Variants in CFAP69 observed in about 807,000 individuals in gnomAD.
CFAP69 encodes the protein cilia- and flagella-associated protein 69.
Under a neutral mutation model 123.0 loss-of-function variants are expected in CFAP69, and 92 were observed. The ratio of observed to expected loss-of-function variants is 0.75; its 90% CI spans 0.63 to 0.89. The LOEUF is 0.89. Among genes scored for constraint, CFAP69 ranks in the 40% least tolerant of loss-of-function variants. The pLI, the probability that CFAP69 is intolerant of heterozygous loss-of-function variation, is 0.00. For synonymous variants in CFAP69, 380 were observed against 364.3 expected (o/e 1.04, Z -0.49); for missense variants, 1,067 against 1,096.9 (o/e 0.97, Z 0.39).
intron 11 of CFAP69, among the ~76,000 whole-genome samples, 155 bp downstream of exon 11, chr7:90,277,489 T>A (rs1364595251): frequency 2.0e-5 from 3 of 152,214 alleles, no homozygotes; most frequent in Non-Finnish European, 2.9e-5. Context: ...TTTAAATTTT[T>A]TCTTTGCTTA....
chr7:90,285,629 T>A (rs1790160957), intron 13 of CFAP69, among the ~76,000 whole-genome samples: 1 of 152,120 alleles, frequency 6.6e-6, no homozygotes, highest in South Asian at 2.1e-4. Context: ...ATAACAGGAA[T>A]AGAAAGCACA....
In CFAP69 at chr7:90,265,188, G is replaced by C. The variant is rs142772835; in HGVS notation, c.357-113G>C. ...TGTCAATCCCCAGGGCTAAAGAATA[G>C]AATATTATTATTAATTTATTCTTTA... On this transcript the variant is annotated intron_variant, in intron 4 of 22. Transcript: ENST00000389297. The C allele has an allele frequency of 2.6e-3, 1,549 of 604,684 alleles. 16 individuals carry two copies. Among genetic ancestry groups the C allele is most frequent in the African/African-American group, 0.021 (1,149 of 53,446 alleles). The allele number at this position is 604,684 out of a possible 1,614,324, so 37.5% of individuals were successfully genotyped here.
chr7:90,303,833 G>A (rs532083432), intron 17 of CFAP69, 136 bp from the exon 18 acceptor site: 46 of 1,279,188 alleles, frequency 3.6e-5, no homozygotes, highest in East Asian at 1.7e-4. Context: ...AAGTGTAACC[G>A]TGTAATAGGC....
chr7:90,264,886 A>C (rs1798924884), intron 4 of CFAP69, among the ~76,000 whole-genome samples: 1 of 151,886 alleles, frequency 6.6e-6, no homozygotes, highest in African/African-American at 2.4e-5. Flanking sequence ...CTCCGCCTCC[A>C]GGATTCTAGC....
chr7:90,306,242 T>C (rs1793577252), intron 19 of CFAP69, among the ~76,000 whole-genome samples: 2 of 152,206 alleles, frequency 1.3e-5, no homozygotes, highest in Admixed American at 6.5e-5. Flanking sequence ...ATCATAGATA[T>C]ATAATTTTTT....
downstream of CFAP69, among the ~76,000 whole-genome samples, chr7:90,313,513 G>A (rs1270496469): frequency 6.6e-6 from 1 of 152,164 alleles, no homozygotes; most frequent in African/African-American, 2.4e-5. Context: ...CCAATAAAAT[G>A]AGCCAGGGCT....
chr7:90,273,872 C>A (rs992207702), intron 8 of CFAP69, 115 bp from the exon 9 acceptor site: 3 of 739,102 alleles, frequency 4.1e-6, no homozygotes, highest in African/African-American at 3.7e-5. Flanking sequence ...CTCCCTAAGG[C>A]CTCACTCCTA....
At position 90,291,007 on chromosome 7, in the gene CFAP69, T is replaced by A. The variant is rs1307540831; in HGVS notation, c.1775+2655T>A. ...AGCAGCTTTAAACCTTGATTCCATG[T>A]GAGCTGCACAAACCAAAGTAGGCAC... On this transcript the variant is annotated intron_variant, in intron 15 of 22. Transcript: ENST00000389297. Among the ~76,000 whole-genome samples, 3 of 152,066 alleles carry A rather than the reference T, an allele frequency of 2.0e-5. No individual in the cohort carries two copies. In the East Asian group the frequency reaches 5.8e-4, roughly 29 times the overall value.
At chr7:90,296,953 C>T (rs2117287383) in intron 15 of CFAP69, among the ~76,000 whole-genome samples, 1 of 152,208 alleles carries the variant, frequency 6.6e-6, no homozygotes, top group South Asian at 2.1e-4. Flanking sequence ...CTTATCAGAC[C>T]TTAAAAGGTG....
intron 1 of CFAP69, among the ~76,000 whole-genome samples, chr7:90,254,022 G>C (rs1797340485): frequency 6.6e-6 from 1 of 152,052 alleles, no homozygotes; most frequent in Admixed American, 6.6e-5. Context: ...TATTTGGTGA[G>C]ACATAGGAGT....
At chr7:90,287,328 A>C (rs759065222) in intron 14 of CFAP69, among the ~76,000 whole-genome samples, 12 of 152,100 alleles carry the variant, frequency 7.9e-5, no homozygotes, top group Non-Finnish European at 1.8e-4. Flanking sequence ...CTCTCGGGTA[A>C]GTATCTACAA....
Position 90,255,485 on chromosome 7 carries a change from G to C in CFAP69, c.180+3G>C. The stretch of plus-strand genomic sequence containing the variant: ...AACTCCTCGAAGAGACTGATAAAGT[G>C]AGTAAGCTTTGAGAGAAAATTACTC... On this transcript the variant is annotated splice_donor_region_variant and intron_variant, in intron 2 of 22. Coordinates refer to ENST00000389297, the MANE Select transcript of CFAP69 (RefSeq NM_001039706.3). 1.2e-6 allele frequency: 2 copies of C among 1,610,514 alleles called. No individual in the cohort carries two copies. Among genetic ancestry groups the C allele is most frequent in the Non-Finnish European group, 1.7e-6 (2 of 1,177,470 alleles).
At chr7:90,321,897 A>G in the CFAP69 span, among the ~76,000 whole-genome samples, 1 of 152,206 alleles carries the variant, frequency 6.6e-6, no homozygotes, top group South Asian at 2.1e-4. Flanking sequence ...CTTGGACTAT[A>G]TATGAGTTTA....
the CFAP69 span, chr7:90,319,843 G>T: frequency 3.0e-4 from 120 of 397,466 alleles, no homozygotes; most frequent in East Asian, 4.1e-3. Context: ...ACATATATTT[G>T]CTTTTGATCA....
At chr7:90,268,983 G>T (rs201774185) in intron 6 of CFAP69, 2 of 151,718 alleles carry the variant, frequency 1.3e-5, no homozygotes, top group East Asian at 3.9e-4. Flanking sequence ...TAAGTTATAT[G>T]ATTCTTAATA....
downstream of CFAP69, among the ~76,000 whole-genome samples, chr7:90,311,425 AT>A (rs1794317979): frequency 6.6e-6 from 1 of 152,206 alleles, no homozygotes; most frequent in South Asian, 2.1e-4. Context: ...AAAAGCCCTG[AT>A]TTACATCATG....
At chr7:90,291,548 C>T (rs1181917228) in intron 15 of CFAP69, among the ~76,000 whole-genome samples, 1 of 152,168 alleles carries the variant, frequency 6.6e-6, no homozygotes, top group African/African-American at 2.4e-5. Flanking sequence ...TCATTTTACC[C>T]AGGCCCTATT....
chr7:90,294,278 G>A lies in CFAP69; in HGVS notation c.1776-3471G>A, dbSNP rs17869715. 8.1e-3 allele frequency among the ~76,000 whole-genome samples: 1,240 copies of A among 152,218 alleles called. 16 individuals carry two copies. The highest frequency in any genetic ancestry group is 0.029 in the African/African-American group (1,186 of 41,532). On this transcript the variant is annotated intron_variant, in intron 15 of 22. Transcript: ENST00000389297. ...CTGATCTGCATAATTTACACCAAAT[G>A]TTACATTTTTGAAGAATTTTTGTTT...
At chr7:90,319,852 C>T in the CFAP69 span, 2 of 397,312 alleles carry the variant, frequency 5.0e-6, no homozygotes, top group African/African-American at 4.1e-5. Context: ...TGCTTTTGAT[C>T]AAGCCAAATC....
Sources: gnomAD v4.1 joint callset for allele counts (sites outside exome capture counted in the v4.1 genomes callset) on GRCh38, gnomAD v4.1.1 for gene constraint, MANE v1.5 for transcripts, NCBI Gene and HGNC (gene_info 2026-07-23, HGNC 2026-07-21) for gene names.